The following SLC71A1 variants were observed in gnomAD, a reference collection of about 807,000 sequenced individuals.
SLC71A1 encodes solute carrier family 71 member 1, also known as hippocampus abundant gene transcript 1.
the SLC71A1 span, among the ~76,000 whole-genome samples, chr1:100,046,070 T>C: frequency 2.0e-5 from 3 of 152,156 alleles, no homozygotes; most frequent in African/African-American, 7.2e-5. Flanking sequence ...ATGAGTTGAC[T>C]GTAAATGCAT....
chr1:100,047,517 C>T, the SLC71A1 span, among the ~76,000 whole-genome samples: 5 of 152,134 alleles, frequency 3.3e-5, no homozygotes, highest in Non-Finnish European at 7.4e-5. Flanking sequence ...CCGCCTCCCG[C>T]GTTCAAGCGA....
At chr1:100,071,568 G>A in the SLC71A1 span, among the ~76,000 whole-genome samples, 2 of 152,164 alleles carry the variant, frequency 1.3e-5, no homozygotes, top group African/African-American at 4.8e-5. Flanking sequence ...ATCAACCTGG[G>A]CATGAGTATC....
chr1:100,047,245 TGA>T, the SLC71A1 span, among the ~76,000 whole-genome samples: 1 of 152,206 alleles, frequency 6.6e-6, no homozygotes, highest in East Asian at 1.9e-4. Context: ...ATACCATTTT[TGA>T]GAGTTTTTAT....
chr1:100,043,578 A>G, the SLC71A1 span, among the ~76,000 whole-genome samples: 1 of 152,204 alleles, frequency 6.6e-6, no homozygotes, highest in African/African-American at 2.4e-5. Context: ...TATTTTTTAA[A>G]ATATTTCAAT....
At chr1:100,044,810 C>T in the SLC71A1 span, among the ~76,000 whole-genome samples, 2 of 152,020 alleles carry the variant, frequency 1.3e-5, no homozygotes, top group African/African-American at 2.4e-5. Context: ...GCCTAGGCGG[C>T]TATAAGTATT....
chr1:100,072,772 C>T, the SLC71A1 span, among the ~76,000 whole-genome samples: 1 of 152,098 alleles, frequency 6.6e-6, no homozygotes, highest in African/African-American at 2.4e-5. Context: ...TCATCAGCCC[C>T]ATTACTTCCT....
the SLC71A1 span, chr1:100,043,083 G>C: frequency 1.0e-6 from 1 of 984,182 alleles, no homozygotes; most frequent in Non-Finnish European, 1.2e-6. Context: ...ATGGCTATAT[G>C]CATCCAGTTC....
the SLC71A1 span, chr1:100,082,215 G>A: frequency 5.6e-6 from 9 of 1,611,522 alleles, no homozygotes; most frequent in Non-Finnish European, 5.9e-6. Context: ...TGTGACGACT[G>A]AAATCAGGAA....
At chr1:100,040,451 AT>A in the SLC71A1 span, among the ~76,000 whole-genome samples, 441 of 152,224 alleles carry the variant, frequency 2.9e-3, 3 homozygotes, top group African/African-American at 0.01. Context: ...GACTACTATT[AT>A]GAACTTTTTT....
the SLC71A1 span, among the ~76,000 whole-genome samples, chr1:100,040,282 TAATC>T: frequency 1.3e-5 from 2 of 151,890 alleles, no homozygotes; most frequent in African/African-American, 4.9e-5. Flanking sequence ...TTCTTATACG[TAATC>T]AGAGGATATA....
the SLC71A1 span, among the ~76,000 whole-genome samples, chr1:100,057,361 T>C: frequency 1.7e-4 from 25 of 151,414 alleles, no homozygotes; most frequent in Admixed American, 5.9e-4. Flanking sequence ...TTCTTTCTTT[T>C]TTTTTTTTTT....
the SLC71A1 span, chr1:100,038,371 C>T: frequency 1.4e-6 from 2 of 1,390,838 alleles, no homozygotes; most frequent in Middle Eastern, 1.8e-4. Context: ...CCGGTCTCTC[C>T]TTCAGACCCC....
At chr1:100,041,506 A>G in the SLC71A1 span, among the ~76,000 whole-genome samples, 11 of 152,268 alleles carry the variant, frequency 7.2e-5, no homozygotes, top group Non-Finnish European at 1.0e-4. Flanking sequence ...TGAAAACAGC[A>G]TAAGTAACTA....
chr1:100,050,053 C>T, the SLC71A1 span: 1 of 1,009,798 alleles, frequency 9.9e-7, no homozygotes, highest in South Asian at 1.4e-5. Context: ...ATCTCTTCTT[C>T]TTCAGTTTTG....
the SLC71A1 span, among the ~76,000 whole-genome samples, chr1:100,038,590 A>C: frequency 6.6e-6 from 1 of 151,562 alleles, no homozygotes. Context: ...GCGGCCTCGA[A>C]CCCCACGTGC....
At chr1:100,054,306 C>T in the SLC71A1 span, among the ~76,000 whole-genome samples, 3 of 151,978 alleles carry the variant, frequency 2.0e-5, no homozygotes, top group Non-Finnish European at 4.4e-5. Context: ...CTTCGCCTCC[C>T]AGGTTCAAGC....
At chr1:100,080,702 CTAGAT>C in the SLC71A1 span, 2 of 1,554,528 alleles carry the variant, frequency 1.3e-6, no homozygotes, top group Non-Finnish European at 1.8e-6. Context: ...GTTCATTTGG[CTAGAT>C]TAAAGGCTAC....
the SLC71A1 span, among the ~76,000 whole-genome samples, chr1:100,054,055 T>TTC: frequency 6.6e-6 from 1 of 150,454 alleles, no homozygotes; most frequent in Non-Finnish European, 1.5e-5. Flanking sequence ...TTTTTTTTTT[T>TTC]CATTGAGACG....
chr1:100,078,227 C>A, the SLC71A1 span, among the ~76,000 whole-genome samples: 2 of 152,262 alleles, frequency 1.3e-5, no homozygotes, highest in African/African-American at 4.8e-5. Flanking sequence ...AACATGATAT[C>A]CCTATTTTAC....
Sources: gnomAD v4.1 joint callset for allele counts (sites outside exome capture counted in the v4.1 genomes callset) on GRCh38, gnomAD v4.1.1 for gene constraint, MANE v1.5 for transcripts, NCBI Gene and HGNC (gene_info 2026-07-23, HGNC 2026-07-21) for gene names.